NRXN1: variants seen among roughly 807,000 people sequenced by gnomAD.
NRXN1 encodes neurexin-1.
A neutral mutation model predicts 150.9 loss-of-function variants in NRXN1; 39 were observed. That is an observed-to-expected ratio of 0.26 (90% CI 0.20 to 0.34). The LOEUF (loss-of-function observed/expected upper bound fraction) is 0.34. Among genes scored for constraint, NRXN1 ranks in the 10% least tolerant of loss-of-function variants. The pLI is 1.00. For missense variants in NRXN1, 1,815 were observed against 1,949.9 expected, an observed-to-expected ratio of 0.93 and a Z score of 1.30; for synonymous variants, 924 against 757.0, an observed-to-expected ratio of 1.22 and a Z score of -3.62.
intron 2 of NRXN1, among the ~76,000 whole-genome samples, chr2:51,011,029 C>T (rs996733292): frequency 4.6e-5 from 7 of 152,058 alleles, no homozygotes; most frequent in African/African-American, 1.7e-4. Context: ...TCACTTCAGC[C>T]TCCCAAAGTG....
chr2:50,395,274 T>C (rs2103862537), intron 17 of NRXN1, among the ~76,000 whole-genome samples: 2 of 151,778 alleles, frequency 1.3e-5, no homozygotes, highest in South Asian at 4.2e-4. Flanking sequence ...GAGATTGAAA[T>C]ACCAGAAAAT....
chr2:50,478,258 T>C (rs535710160), intron 15 of NRXN1, among the ~76,000 whole-genome samples: 1 of 152,332 alleles, frequency 6.6e-6, no homozygotes, highest in Admixed American at 6.5e-5. Context: ...AAATAAATAA[T>C]ATTAAACTAC....
Position 51,013,456 on chromosome 2 carries a change from T to G in NRXN1, c.772+14046A>C, listed in dbSNP as rs1008344706. Among the ~76,000 whole-genome samples, 31 of 133,036 alleles carry G rather than the reference T, an allele frequency of 2.3e-4. 1 individual carries two copies. The highest frequency in any genetic ancestry group is 2.0e-3 in the Admixed American group (25 of 12,414). The allele number at this position is 133,036 out of a possible 152,430, so 87.3% of individuals were successfully genotyped here. A position where few individuals can be genotyped will look rare whatever the true frequency, so the allele number is the denominator to read the frequency against. On this transcript the variant is annotated intron_variant, in intron 2 of 22. Coordinates refer to ENST00000401669, the MANE Select transcript of NRXN1 (RefSeq NM_001330078.2). ...TCAGACACTCTTGAAATAGAGTTGTTTTTTTTTTTTGGCAGAAATTAGGTT... is the reference window on the plus strand; with the variant it reads ...TCAGACACTCTTGAAATAGAGTTGTGTTTTTTTTTTGGCAGAAATTAGGTT...
intron 17 of NRXN1, among the ~76,000 whole-genome samples, chr2:50,251,276 G>C (rs1369485216): frequency 6.6e-6 from 1 of 151,986 alleles, no homozygotes; most frequent in Non-Finnish European, 1.5e-5. Context: ...CTGAGAACGT[G>C]CACTGTTTGG....
At chr2:50,231,961 A>T (rs1440595848) in intron 18 of NRXN1, among the ~76,000 whole-genome samples, 1 of 152,120 alleles carries the variant, frequency 6.6e-6, no homozygotes, top group East Asian at 1.9e-4. Context: ...TAACTTAAAC[A>T]TGTCTTGTGT....
chr2:50,225,121 T>C (rs1275429429), intron 18 of NRXN1, among the ~76,000 whole-genome samples: 4 of 151,964 alleles, frequency 2.6e-5, no homozygotes, highest in African/African-American at 4.8e-5. Flanking sequence ...AGGTTGTAAA[T>C]GGGAAGTCCC....
At chr2:50,403,743 A>G (rs1373186605) in intron 17 of NRXN1, among the ~76,000 whole-genome samples, 1 of 152,142 alleles carries the variant, frequency 6.6e-6, no homozygotes, top group Non-Finnish European at 1.5e-5. Context: ...ATTAATATAC[A>G]CATTTTATAT....
At chr2:50,850,976 A>T (rs944241539) in intron 5 of NRXN1, among the ~76,000 whole-genome samples, 6 of 152,186 alleles carry the variant, frequency 3.9e-5, no homozygotes, top group Non-Finnish European at 5.9e-5. Context: ...AGCAGAGTAG[A>T]ATGTTACCAG....
intron 8 of NRXN1, among the ~76,000 whole-genome samples, chr2:50,599,128 C>G (rs1228405512): frequency 6.6e-6 from 1 of 152,138 alleles, no homozygotes; most frequent in African/African-American, 2.4e-5. Context: ...CTCACAAAAA[C>G]CGTATCTGTA....
At chr2:50,207,857 T>C (rs1211638341) in intron 18 of NRXN1, among the ~76,000 whole-genome samples, 1 of 152,148 alleles carries the variant, frequency 6.6e-6, no homozygotes, top group Non-Finnish European at 1.5e-5. Context: ...TTCCCTGCTA[T>C]TCAGTACCAC....
At chr2:50,135,929 A>G (rs376753791) in intron 18 of NRXN1, among the ~76,000 whole-genome samples, 1 of 152,214 alleles carries the variant, frequency 6.6e-6, no homozygotes, top group Non-Finnish European at 1.5e-5. Flanking sequence ...ATCTTGGTCA[A>G]TTCCATTGTC....
intron 18 of NRXN1, among the ~76,000 whole-genome samples, chr2:50,226,324 T>G (rs926560360): frequency 2.0e-5 from 3 of 151,960 alleles, no homozygotes; most frequent in Non-Finnish European, 2.9e-5. Context: ...GCTTTTACAG[T>G]GTGAGGATTT....
intron 2 of NRXN1, among the ~76,000 whole-genome samples, chr2:51,022,851 G>C (rs1453250010): frequency 6.6e-6 from 1 of 152,106 alleles, no homozygotes; most frequent in Non-Finnish European, 1.5e-5. Context: ...GTACTTGGGG[G>C]TATACTATAA....
chr2:49,999,366 G>A (rs905653802), intron 21 of NRXN1, among the ~76,000 whole-genome samples: 1 of 151,906 alleles, frequency 6.6e-6, no homozygotes, highest in Admixed American at 6.6e-5. Context: ...TACTAATATA[G>A]CATTTAATTT....
chr2:50,269,498 A>G (rs2069302379), intron 17 of NRXN1, among the ~76,000 whole-genome samples: 1 of 152,206 alleles, frequency 6.6e-6, no homozygotes, highest in South Asian at 2.1e-4. Flanking sequence ...ATAATAACAG[A>G]TTATATCTGG....
At chr2:50,704,679 G>A (rs2104990549) in intron 5 of NRXN1, among the ~76,000 whole-genome samples, 1 of 150,714 alleles carries the variant, frequency 6.6e-6, no homozygotes, top group Middle Eastern at 3.6e-3. Context: ...ATATTTTAGG[G>A]CTCTGTGTTT....
intron 2 of NRXN1, among the ~76,000 whole-genome samples, chr2:50,948,072 C>T (rs1003645435): frequency 6.6e-6 from 1 of 151,854 alleles, no homozygotes; most frequent in Non-Finnish European, 1.5e-5. Flanking sequence ...TATTTCAGAA[C>T]ACACTTCCCA....
intron 17 of NRXN1, among the ~76,000 whole-genome samples, chr2:50,427,479 G>C (rs1208252402): frequency 6.6e-6 from 1 of 152,042 alleles, no homozygotes; most frequent in Non-Finnish European, 1.5e-5. Flanking sequence ...ATATATCAGA[G>C]TATGTGTGAC....
chr2:50,723,592 A>C (rs1453479841), intron 5 of NRXN1, among the ~76,000 whole-genome samples: 1 of 152,222 alleles, frequency 6.6e-6, no homozygotes, highest in Non-Finnish European at 1.5e-5. Flanking sequence ...GAATTCAAGA[A>C]CTGGAGAAAG....
Sources: allele counts gnomAD v4.1 joint callset (sites outside exome capture counted in the v4.1 genomes callset), GRCh38; gene constraint gnomAD v4.1.1; transcripts MANE v1.5; gene names NCBI Gene and HGNC (gene_info 2026-07-23, HGNC 2026-07-21).